The following SPINK5 variants were observed in gnomAD, a reference collection of about 807,000 sequenced individuals.
SPINK5 encodes the protein serine protease inhibitor Kazal-type 5.
Under a neutral mutation model 151.8 loss-of-function variants are expected in SPINK5, and 125 were observed. The ratio of observed to expected loss-of-function variants is 0.82; its 90% CI spans 0.71 to 0.96. The LOEUF (loss-of-function observed/expected upper bound fraction) is 0.96, where lower values mean the gene tolerates loss of function less well. Ranked by LOEUF, SPINK5 falls within the 40% of genes least tolerant of loss-of-function variation. The pLI, the probability that SPINK5 is intolerant of heterozygous loss-of-function variation, is 0.00. For missense variants in SPINK5, 1,194 were observed against 1,291.9 expected, an observed-to-expected ratio of 0.92 and a Z score of 1.16; for synonymous variants, 374 against 395.3, an observed-to-expected ratio of 0.95 and a Z score of 0.64.
At chr5:148,113,042 T>C (rs1002485913) in intron 20 of SPINK5, 108 bp downstream of exon 20, 2 of 1,536,426 alleles carry the variant, frequency 1.3e-6, no homozygotes, top group African/African-American at 1.4e-5. Context: ...GAACTAGGGG[T>C]TCATTTAGTC....
chr5:148,065,443 C>A, intron 2 of SPINK5, 71 bp downstream of exon 2: 2 of 1,521,744 alleles, frequency 1.3e-6, no homozygotes, highest in Non-Finnish European at 1.8e-6. Flanking sequence ...GTGGCCAACA[C>A]CTTCATGTTA....
intron 15 of SPINK5, 147 bp from the exon 16 acceptor site, chr5:148,104,805 A>C: frequency 1.6e-6 from 1 of 613,936 alleles, no homozygotes; most frequent in Non-Finnish European, 2.9e-6. Flanking sequence ...CTGAGGCAGG[A>C]GAATTGCTTG....
chr5:148,082,647 C>T lies in SPINK5; in HGVS notation c.283-3758C>T, dbSNP rs1334416438. Among the ~76,000 whole-genome samples the T allele has an allele frequency of 2.8e-4, 3 of 10,774 alleles. 1 individual carries two copies. Among genetic ancestry groups the T allele is most frequent in the African/African-American group, 2.0e-3 (2 of 994 alleles). The allele number at this position is 10,774 out of a possible 152,430, so 7.1% of individuals were successfully genotyped here. ...TTTTTTTGAGACGGAGTCTCGCTGT[C>T]GCCCAGGCTGGAGTGCAGTGGCGCA... On this transcript the variant is annotated intron_variant, in intron 4 of 32. Coordinates refer to ENST00000256084, the MANE Select transcript of SPINK5 (RefSeq NM_006846.4).
chr5:148,101,051 A>G (rs1026977998), intron 13 of SPINK5, among the ~76,000 whole-genome samples: 2 of 152,252 alleles, frequency 1.3e-5, no homozygotes, highest in East Asian at 3.9e-4. Flanking sequence ...GAGATACAGT[A>G]ATGAGCATTG....
At chr5:148,072,263 T>C (rs1476653779) in intron 4 of SPINK5, 43 bp downstream of exon 4, 2 of 1,578,388 alleles carry the variant, frequency 1.3e-6, no homozygotes, top group Non-Finnish European at 1.7e-6. Flanking sequence ...TGAGAGGATG[T>C]TTGACTCTAT....
In SPINK5 at chr5:148,094,377, AC is replaced by A. The variant is rs1753397877; in HGVS notation, c.691del (p.Gln231LysfsTer2). 6.2e-7 allele frequency: 1 copy of A among 1,612,618 alleles called. No homozygotes were observed. Reference protein sequence around the residue: ...EKDFCKEYEKQVRNGRLFCTR... With the variant: ...EKDFCKEYEKXVRNGRLFCTR... ...AGGATTTTTGCAAGGAATATGAAAA[AC>A]AAGTGAGAAATGGAAGGCTTTTTTG... On this transcript the variant is annotated frameshift_variant, in exon 9 of 33. Coordinates refer to ENST00000256084, the MANE Select transcript of SPINK5 (RefSeq NM_006846.4). LOFTEE classifies it high-confidence loss of function.
chr5:148,068,608 GC>G (rs1284103269), intron 2 of SPINK5, among the ~76,000 whole-genome samples: 1 of 118,828 alleles, frequency 8.4e-6, no homozygotes, highest in African/African-American at 3.1e-5. Flanking sequence ...GAAAAAACAA[GC>G]ACAAAACACC....
intron 26 of SPINK5, among the ~76,000 whole-genome samples, chr5:148,123,510 G>GC (rs1171222213): frequency 0.092 from 2,398 of 25,946 alleles, 149 homozygotes; most frequent in African/African-American, 0.3. Flanking sequence ...GTGCAGTGGT[G>GC]CAATATATGT....
chr5:148,087,725 C>G (rs966242410), intron 5 of SPINK5, among the ~76,000 whole-genome samples: 1 of 151,700 alleles, frequency 6.6e-6, no homozygotes, highest in African/African-American at 2.4e-5. Flanking sequence ...GTGAAAGTTT[C>G]TCTCCCCTAA....
At position 148,089,631 on chromosome 5, in the gene SPINK5, A is replaced by C. The variant is rs1444836729; in HGVS notation, c.602+10A>C. 2.4e-5 allele frequency: 38 copies of C among 1,611,540 alleles called. No individual in the cohort carries two copies. Among genetic ancestry groups the C allele is most frequent in the Non-Finnish European group, 3.2e-5 (38 of 1,178,380 alleles). On this transcript the variant is annotated intron_variant, in intron 7 of 32. Coordinates refer to ENST00000256084, the MANE Select transcript of SPINK5 (RefSeq NM_006846.4). ...TGTGTGCTGAGCTGTTGTAAGTAGC[A>C]TCATCCCCAGGTGGACTTGATGATG...
intron 10 of SPINK5, among the ~76,000 whole-genome samples, chr5:148,096,437 A>G (rs1330737258): frequency 1.3e-5 from 2 of 151,978 alleles, no homozygotes; most frequent in African/African-American, 4.8e-5. Context: ...GTTGGTCTCC[A>G]TCTTTCTCAA....
intron 4 of SPINK5, 132 bp downstream of exon 4, chr5:148,072,352 GT>G: frequency 1.1e-6 from 1 of 911,356 alleles, no homozygotes; most frequent in East Asian, 2.7e-5. Context: ...GGGAACATGG[GT>G]TAGTCCAGGG....
Position 148,120,083 on chromosome 5 carries a change from G to T in SPINK5, c.2388G>T (p.Arg796=), listed in dbSNP as rs746828715. The change falls in exon 25 of 33, where the codon CGG becomes CGT. Residue 796 remains arginine (R), a synonymous_variant. Coordinates refer to ENST00000256084, the MANE Select transcript of SPINK5 (RefSeq NM_006846.4). ...LICTRESDPV[R]GPDGKTHGNK... Reference sequence around the variant, plus strand: ...GCACTCGAGAAAGTGACCCTGTCCGGGGTCCAGATGGCAAGACACATGGCA... The same window carrying T: ...GCACTCGAGAAAGTGACCCTGTCCGTGGTCCAGATGGCAAGACACATGGCA... 1 of 1,614,058 alleles carries T rather than the reference G, an allele frequency of 6.2e-7. No individual in the cohort carries two copies. Among genetic ancestry groups the T allele is most frequent in the Non-Finnish European group, 8.5e-7 (1 of 1,179,940 alleles).
At chr5:148,087,847 T>C (rs762142630) in intron 5 of SPINK5, among the ~76,000 whole-genome samples, 4 of 151,836 alleles carry the variant, frequency 2.6e-5, no homozygotes, top group African/African-American at 7.3e-5. Flanking sequence ...TACAATAAAA[T>C]TGAAAATTTT....
intron 10 of SPINK5, 79 bp from the exon 11 acceptor site, chr5:148,097,788 T>TTTTCA: frequency 6.9e-7 from 1 of 1,450,158 alleles, no homozygotes; most frequent in Non-Finnish European, 9.4e-7. Context: ...AATTTCTCTT[T>TTTTCA]TTTCTTTGTA....
At chr5:148,101,583 A>G (rs1056001673) in intron 14 of SPINK5, 147 bp downstream of exon 14, 2 of 987,188 alleles carry the variant, frequency 2.0e-6, no homozygotes, top group South Asian at 1.4e-5. Context: ...GCAGTTATAC[A>G]TGTGCATATG....
chr5:148,124,021 T>C (rs1008019328), intron 27 of SPINK5, 61 bp downstream of exon 27: 3 of 1,597,838 alleles, frequency 1.9e-6, no homozygotes, highest in South Asian at 1.1e-5. Context: ...AAATTAGTTT[T>C]TGTTACTTTT....
At position 148,091,229 on chromosome 5, in the gene SPINK5, G is replaced by GT; in HGVS notation, c.666+2dup. The GT allele has an allele frequency of 1.2e-6, 2 of 1,610,864 alleles. No homozygotes were observed. The highest frequency in any genetic ancestry group is 1.7e-6 in the Non-Finnish European group (2 of 1,178,218). On this transcript the variant is annotated splice_donor_variant, in intron 8 of 32. Transcript: ENST00000256084. LOFTEE classifies it high-confidence loss of function. ...TAGAATTCGACGAAATGCTGAAAAG[G>GT]TAAAATGACTCACCAACGCAATTTT...
At chr5:148,096,747 C>CTTTTT (rs141541747) in intron 10 of SPINK5, among the ~76,000 whole-genome samples, 1 of 136,192 alleles carries the variant, frequency 7.3e-6, no homozygotes, top group African/African-American at 3.0e-5. Context: ...TTTTTCTTTT[C>CTTTTT]TTTTCTTTTT....
Sources: gnomAD v4.1 joint callset for allele counts (sites outside exome capture counted in the v4.1 genomes callset) on GRCh38, gnomAD v4.1.1 for gene constraint, MANE v1.5 for transcripts, NCBI Gene and HGNC (gene_info 2026-07-23, HGNC 2026-07-21) for gene names.